Variants in IQCB1 observed in about 807,000 individuals in gnomAD.
IQCB1 encodes IQ motif containing B1, also known as IQ calmodulin-binding motif-containing protein 1.
IQCB1 carries 56 observed loss-of-function variants against 84.4 expected under a neutral mutation model. The observed-to-expected ratio is 0.66, with a 90% confidence interval of 0.54 to 0.83. IQCB1 has a LOEUF of 0.83. IQCB1 is among the 40% of genes least tolerant of loss of function. The pLI, the probability that IQCB1 is intolerant of heterozygous loss-of-function variation, is 0.00. For synonymous variants in IQCB1, 210 were observed against 234.8 expected (o/e 0.89, Z 0.96); for missense variants, 629 against 682.1 (o/e 0.92, Z 0.87).
At chr3:121,828,827 A>T in intron 3 of IQCB1, 34 bp downstream of exon 3, 1 of 1,313,070 alleles carries the variant, frequency 7.6e-7, no homozygotes, top group Non-Finnish European at 1.1e-6. Context: ...TTTTTCACTT[A>T]AAATGCTATC....
chr3:121,816,469 C>T (rs1424021108), intron 5 of IQCB1, among the ~76,000 whole-genome samples: 1 of 152,096 alleles, frequency 6.6e-6, no homozygotes, highest in Non-Finnish European at 1.5e-5. Flanking sequence ...AAACTATCAT[C>T]AGAGTGAACA....
intron 2 of IQCB1, among the ~76,000 whole-genome samples, chr3:121,829,786 A>T (rs1034377079): frequency 9.2e-5 from 14 of 152,230 alleles, no homozygotes; most frequent in African/African-American, 3.4e-4. Flanking sequence ...CACTGTAATA[A>T]ATCATAGCTG....
intron 12 of IQCB1, among the ~76,000 whole-genome samples, chr3:121,785,895 G>A (rs575211169): frequency 2.6e-5 from 4 of 151,858 alleles, no homozygotes; most frequent in East Asian, 1.9e-4. Flanking sequence ...TAGGCTAGGC[G>A]CAGTGGCTCA....
intron 13 of IQCB1, 62 bp from the exon 14 acceptor site, chr3:121,772,775 A>T: frequency 6.6e-7 from 1 of 1,508,196 alleles, no homozygotes; most frequent in Non-Finnish European, 9.2e-7. Flanking sequence ...GTACCCAACC[A>T]CTTAGCAGAG....
intron 11 of IQCB1, 59 bp downstream of exon 11, chr3:121,790,014 G>C: frequency 7.0e-7 from 1 of 1,434,590 alleles, no homozygotes. Flanking sequence ...TAGAAAAGTT[G>C]GTTTGTTAAA....
intron 14 of IQCB1, among the ~76,000 whole-genome samples, chr3:121,771,181 A>G (rs1947970758): frequency 1.3e-5 from 2 of 151,688 alleles, no homozygotes; most frequent in Admixed American, 1.3e-4. Context: ...CATGTTGGTC[A>G]GGCTGGTCTC....
At chr3:121,776,279 T>G (rs548754691) in intron 13 of IQCB1, among the ~76,000 whole-genome samples, 11 of 152,336 alleles carry the variant, frequency 7.2e-5, no homozygotes, top group South Asian at 4.1e-4. Context: ...ACATGCTGAA[T>G]GGTACTCCAT....
At chr3:121,832,645 T>C (rs112604702) in intron 2 of IQCB1, among the ~76,000 whole-genome samples, 2,016 of 152,292 alleles carry the variant, frequency 0.013, 21 homozygotes, top group Non-Finnish European at 0.018. Flanking sequence ...AATTTTTACA[T>C]ATGAAATATA....
intron 6 of IQCB1, among the ~76,000 whole-genome samples, chr3:121,807,686 C>T (rs1949658432): frequency 1.3e-5 from 2 of 151,844 alleles, no homozygotes; most frequent in Admixed American, 1.3e-4. Flanking sequence ...AGCTAAGAAT[C>T]TATTGTTATC....
chr3:121,807,436 T>G lies in IQCB1; in HGVS notation c.495A>C (p.Gln165His). ...GCAGTAAATGTAAGAAATGATCACTTTGTAGTACTAAAGGAAAAGAAAAAA... is the reference window on the plus strand; with the variant it reads ...GCAGTAAATGTAAGAAATGATCACTGTGTAGTACTAAAGGAAAAGAAAAAA... Reference protein sequence around the residue: ...GHVELIQNVLQSDHFLHLLQA... With the variant: ...GHVELIQNVLHSDHFLHLLQA... Residue 165 changes from glutamine (Q) to histidine (H), a missense_variant, in exon 7 of 15, where the codon CAA becomes CAC. By Grantham distance (24) the Gln-to-His change is conservative (BLOSUM62 0). Coordinates refer to ENST00000310864, the MANE Select transcript of IQCB1 (RefSeq NM_001023570.4). 1 of 1,463,372 alleles carries G rather than the reference T, an allele frequency of 6.8e-7. No individual in the cohort carries two copies. 90.6% of individuals were successfully genotyped at this position (1,463,372 alleles called of 1,614,324 possible).
chr3:121,772,425 T>C, intron 14 of IQCB1, 132 bp downstream of exon 14: 1 of 830,380 alleles, frequency 1.2e-6, no homozygotes, highest in Non-Finnish European at 2.1e-6. Flanking sequence ...TGGTCTGATC[T>C]ATGTAGAAAT....
At position 121,778,137 on chromosome 3, in the gene IQCB1, G is replaced by C. The variant is rs573308110; in HGVS notation, c.1410+3606C>G. On this transcript the variant is annotated intron_variant, in intron 13 of 14. Transcript: ENST00000310864. The stretch of plus-strand genomic sequence containing the variant: ...TGCCTAAGCTGGTCTCGAATTCCTG[G>C]GCTCAAGCAATCCTCCTGGCCTTGG... 1.1e-4 allele frequency among the ~76,000 whole-genome samples: 17 copies of C among 152,084 alleles called. No individual in the cohort carries two copies. The South Asian group carries it at 3.1e-3, about 28-fold the overall frequency.
intron 13 of IQCB1, among the ~76,000 whole-genome samples, chr3:121,780,872 G>GTA (rs1396325700): frequency 4.2e-4 from 49 of 116,178 alleles, no homozygotes; most frequent in African/African-American, 1.7e-3. Context: ...GTATGTGTGT[G>GTA]TGTGTGTGTG....
chr3:121,798,274 A>T (rs1213120721), intron 8 of IQCB1, among the ~76,000 whole-genome samples: 1 of 151,858 alleles, frequency 6.6e-6, no homozygotes, highest in Non-Finnish European at 1.5e-5. Flanking sequence ...AATGATAAAG[A>T]CCTTTCTAGT....
intron 14 of IQCB1, among the ~76,000 whole-genome samples, chr3:121,772,047 A>G (rs990035593): frequency 1.3e-5 from 2 of 151,964 alleles, no homozygotes; most frequent in Non-Finnish European, 2.9e-5. Flanking sequence ...GGTGGTGCGC[A>G]CCTGTAGTCC....
At chr3:121,777,497 C>A (rs4676693) in intron 13 of IQCB1, among the ~76,000 whole-genome samples, 97,779 of 151,886 alleles carry the variant, frequency 0.64, 31,921 homozygotes, top group African/African-American at 0.71. Context: ...TATACCATTA[C>A]AATATTATGT....
Position 121,788,428 on chromosome 3 carries a change from C to G in IQCB1, c.1134G>C (p.Gln378His). ...LSMLEIVHPG[Q>H]VEKHYREMEE... is the part of the protein sequence containing the mutation. ...CCATTTCCCGATAGTGTTTCTCCAC[C>G]TGACCTAAAAAGATGATAGACACTA... is the stretch of plus-strand genomic sequence containing the variant. The change falls in exon 12 of 15, where the codon CAG (glutamine) becomes CAC (histidine). Residue 378 changes from glutamine (Q) to histidine (H), a missense_variant. Transcript: ENST00000310864. 1 of 1,613,254 alleles carries G rather than the reference C, an allele frequency of 6.2e-7. No homozygotes were observed. The highest frequency in any genetic ancestry group is 8.5e-7 in the Non-Finnish European group (1 of 1,179,348).
rs57816005 is a variant in IQCB1, at chr3:121,781,632, TACAC to T, written c.1410+107_1410+110del. The stretch of plus-strand genomic sequence containing the variant: ...CATTACCTTATACCAGCAATAAATG[TACAC>T]ACACACACACACACACACACACACA... On this transcript the variant is annotated intron_variant, in intron 13 of 14. Coordinates refer to ENST00000310864, the MANE Select transcript of IQCB1 (RefSeq NM_001023570.4). The T allele has an allele frequency of 0.023, 18,379 of 809,360 alleles. 124 individuals carry two copies. Among genetic ancestry groups the T allele is most frequent in the African/African-American group, 0.07 (4,053 of 57,896 alleles). The allele number at this position is 809,360 out of a possible 1,614,324, so 50.1% of individuals were successfully genotyped here. A position where few individuals can be genotyped will look rare whatever the true frequency, so the allele number is the denominator to read the frequency against.
chr3:121,798,077 C>A (rs936421155), intron 8 of IQCB1, among the ~76,000 whole-genome samples: 4 of 151,904 alleles, frequency 2.6e-5, no homozygotes, highest in African/African-American at 9.7e-5. Context: ...AGGTAAAATT[C>A]CTTTATAACG....
Sources: gnomAD v4.1 joint callset for allele counts (sites outside exome capture counted in the v4.1 genomes callset) on GRCh38, gnomAD v4.1.1 for gene constraint, MANE v1.5 for transcripts, NCBI Gene and HGNC (gene_info 2026-07-23, HGNC 2026-07-21) for gene names.